Variants in ATP10A observed in about 807,000 individuals in gnomAD.
ATP10A encodes the protein phospholipid-transporting ATPase VA.
ATP10A carries 111 observed loss-of-function variants against 147.8 expected under a neutral mutation model. The ratio of observed to expected loss-of-function variants is 0.75; its 90% confidence interval spans 0.64 to 0.88. ATP10A has a LOEUF of 0.88. Ranked by LOEUF, ATP10A falls within the 40% of genes least tolerant of loss-of-function variation. The pLI, the probability that ATP10A is intolerant of heterozygous loss-of-function variation, is 0.00. For synonymous variants in ATP10A, 875 were observed against 841.6 expected (o/e 1.04, Z -0.69); for missense variants, 1,927 against 1,959.0 (o/e 0.98, Z 0.31).
chr15:25,675,927 C>T (rs1041788958), downstream of ATP10A, among the ~76,000 whole-genome samples: 1 of 150,012 alleles, frequency 6.7e-6, no homozygotes, highest in Non-Finnish European at 1.5e-5. Flanking sequence ...GCCTGGGCAA[C>T]AGAATGAGAC....
At chr15:25,731,533 C>T (rs1321198205) in intron 3 of ATP10A, among the ~76,000 whole-genome samples, 3 of 151,840 alleles carry the variant, frequency 2.0e-5, no homozygotes, top group Non-Finnish European at 4.4e-5. Flanking sequence ...TCAGAGGTGA[C>T]CACATGCCAT....
chr15:25,691,293 G>A (rs1165639602), intron 15 of ATP10A, among the ~76,000 whole-genome samples: 6 of 152,186 alleles, frequency 3.9e-5, no homozygotes, highest in Admixed American at 2.6e-4. Context: ...ATGTGAGTGA[G>A]GATGGCTACA....
At chr15:25,718,076 G>A (rs1901932160) in intron 8 of ATP10A, 106 bp downstream of exon 8, 2 of 1,228,500 alleles carry the variant, frequency 1.6e-6, no homozygotes, top group African/African-American at 1.5e-5. Flanking sequence ...GCCGCCCAGC[G>A]ACAGTGTATT....
intron 2 of ATP10A, among the ~76,000 whole-genome samples, chr15:25,764,519 C>G (rs1167819784): frequency 6.6e-6 from 1 of 152,116 alleles, no homozygotes; most frequent in African/African-American, 2.4e-5. Flanking sequence ...TTCTGCCTCT[C>G]TCTCTCTCTC....
intron 2 of ATP10A, among the ~76,000 whole-genome samples, chr15:25,761,062 C>T (rs1362118015): frequency 6.6e-6 from 1 of 152,106 alleles, no homozygotes; most frequent in African/African-American, 2.4e-5. Context: ...CATAGTTGAG[C>T]TATACTATAT....
intron 4 of ATP10A, among the ~76,000 whole-genome samples, chr15:25,726,768 G>A (rs1212960108): frequency 1.3e-5 from 2 of 151,276 alleles, no homozygotes; most frequent in African/African-American, 2.4e-5. Flanking sequence ...AACGGTGAGG[G>A]AGGCCGGGCA....
chr15:25,864,223 C>G (rs1367685000), upstream of ATP10A, among the ~76,000 whole-genome samples: 3 of 152,002 alleles, frequency 2.0e-5, no homozygotes, highest in Non-Finnish European at 4.4e-5. Context: ...ATGGGGCATC[C>G]GAGAAGGGGT....
At chr15:25,819,396 T>A (rs1389775252) in intron 1 of ATP10A, among the ~76,000 whole-genome samples, 1 of 152,078 alleles carries the variant, frequency 6.6e-6, no homozygotes, top group East Asian at 1.9e-4. Flanking sequence ...CCAACCAGAA[T>A]GGCAATTATT....
intron 1 of ATP10A, among the ~76,000 whole-genome samples, chr15:25,824,817 C>T (rs6576470): frequency 0.93 from 141,060 of 152,196 alleles, 66,005 homozygotes; most frequent in Non-Finnish European, 1. Flanking sequence ...TAGCGTTTTA[C>T]GTTTCCGTAT....
rs545049706 is a variant in ATP10A, at chr15:25,744,556, G to C, written c.655-8415C>G. Among the ~76,000 whole-genome samples, 70 of 152,296 alleles carry C rather than the reference G, an allele frequency of 4.6e-4. 1 individual carries two copies. The highest frequency in any genetic ancestry group is 1.7e-3 in the African/African-American group (69 of 41,564). The stretch of plus-strand genomic sequence containing the variant: ...CAGGAAGTTTAAAATCATGCTTGCT[G>C]TGATCATAAAGCTAAAGATGCACCT... On this transcript the variant is annotated intron_variant, in intron 2 of 20. Transcript: ENST00000555815.
At chr15:25,857,136 G>C (rs1455189448) in intron 1 of ATP10A, among the ~76,000 whole-genome samples, 1 of 152,138 alleles carries the variant, frequency 6.6e-6, no homozygotes, top group East Asian at 1.9e-4. Context: ...AACACACACT[G>C]GGTATTTAAC....
At chr15:25,865,042 G>A (rs942408530), upstream of ATP10A, 1 of 152,214 alleles carries the variant, frequency 6.6e-6, no homozygotes. Flanking sequence ...TACTCCTGGT[G>A]CTTACAAAGC....
intron 12 of ATP10A, among the ~76,000 whole-genome samples, chr15:25,704,648 G>A (rs1900868000): frequency 6.6e-6 from 1 of 152,234 alleles, no homozygotes; most frequent in African/African-American, 2.4e-5. Context: ...TGAGTCAGGT[G>A]CAGAATAGCA....
chr15:25,773,198 A>G (rs17556203), intron 2 of ATP10A, among the ~76,000 whole-genome samples: 24,783 of 152,110 alleles, frequency 0.16, 2,142 homozygotes, highest in Non-Finnish European at 0.18. Context: ...TAGACGGGCG[A>G]AACTCTAAGG....
At chr15:25,853,422 C>CTTTT (rs1241402686) in intron 1 of ATP10A, among the ~76,000 whole-genome samples, 1 of 152,160 alleles carries the variant, frequency 6.6e-6, no homozygotes, top group Non-Finnish European at 1.5e-5. Context: ...GAAGCCCTGT[C>CTTTT]TTTAAAAGGT....
In ATP10A at chr15:25,732,558, CT is replaced by C. The variant is rs36120691; in HGVS notation, c.740+3497del. 8.3e-5 allele frequency among the ~76,000 whole-genome samples: 7 copies of C among 84,142 alleles called. No individual in the cohort carries two copies. In the East Asian group the frequency reaches 1.2e-3, roughly 15 times the overall value. The allele number at this position is 84,142 out of a possible 152,430, so 55.2% of individuals were successfully genotyped here. A position where few individuals can be genotyped will look rare whatever the true frequency, so the allele number is the denominator to read the frequency against. ...GTGAGCATTTCACATGCGACACCTT[CT>C]TTTTTTTTTTTTTTGAGATGGAGTC... On this transcript the variant is annotated intron_variant, in intron 3 of 20. Coordinates refer to ENST00000555815, the MANE Select transcript of ATP10A (RefSeq NM_024490.4).
At chr15:25,694,385 C>A (rs1043951993) in intron 14 of ATP10A, among the ~76,000 whole-genome samples, 9 of 152,242 alleles carry the variant, frequency 5.9e-5, no homozygotes, top group African/African-American at 2.2e-4. Context: ...AGCCTCTGGG[C>A]CCTTAGGGCG....
At chr15:25,731,361 G>A (rs1902975217) in intron 3 of ATP10A, among the ~76,000 whole-genome samples, 1 of 152,204 alleles carries the variant, frequency 6.6e-6, no homozygotes, top group African/African-American at 2.4e-5. Context: ...CAATATCAAA[G>A]CACCCAAGTA....
intron 1 of ATP10A, among the ~76,000 whole-genome samples, chr15:25,851,631 G>C (rs547685562): frequency 6.6e-6 from 1 of 152,194 alleles, no homozygotes; most frequent in South Asian, 2.1e-4. Context: ...GGGTATCTCT[G>C]GATCCTTAGT....
Sources: gnomAD v4.1 joint callset for allele counts (sites outside exome capture counted in the v4.1 genomes callset) on GRCh38, gnomAD v4.1.1 for gene constraint, MANE v1.5 for transcripts, NCBI Gene and HGNC (gene_info 2026-07-23, HGNC 2026-07-21) for gene names.